GPHN: variants seen among roughly 807,000 people sequenced by gnomAD.
GPHN encodes the protein gephyrin.
A neutral mutation model predicts 95.5 loss-of-function variants in GPHN; 17 were observed. That is an observed-to-expected ratio of 0.18 (90% CI 0.12 to 0.27). The LOEUF is 0.27. Ranked by LOEUF, GPHN falls within the 10% of genes least tolerant of loss-of-function variation. The pLI is 1.00. For synonymous variants in GPHN, 320 were observed against 322.5 expected (o/e 0.99, Z 0.08); for missense variants, 660 against 978.1 (o/e 0.67, Z 4.34).
At chr14:67,349,562 C>T in the GPHN span, among the ~76,000 whole-genome samples, 55 of 152,208 alleles carry the variant, frequency 3.6e-4, no homozygotes, top group African/African-American at 1.2e-3. Flanking sequence ...TGGCAGGGTG[C>T]GATAGCTCAC....
chr14:67,105,349 A>G lies in GPHN; in HGVS notation c.1293+4438A>G, dbSNP rs1006653251. On this transcript the variant is annotated intron_variant, in intron 13 of 22. Coordinates refer to ENST00000478722, the MANE Select transcript of GPHN (RefSeq NM_020806.5). The stretch of plus-strand genomic sequence containing the variant: ...TGTACTTTAAATATCTGTTAGGTCC[A>G]TTTGATCTAAAATGCAGTTTAAATC... Among the ~76,000 whole-genome samples, 6 of 152,262 alleles carry G rather than the reference A, an allele frequency of 3.9e-5. No individual in the cohort carries two copies. The East Asian group carries it at 1.2e-3, about 29-fold the overall frequency.
intron 4 of GPHN, among the ~76,000 whole-genome samples, chr14:66,837,923 A>T (rs1007043376): frequency 3.9e-5 from 6 of 152,150 alleles, no homozygotes; most frequent in African/African-American, 1.4e-4. Flanking sequence ...TAAACATACA[A>T]GCAAGTGTAG....
At chr14:67,687,944 G>C in the GPHN span, among the ~76,000 whole-genome samples, 3 of 151,482 alleles carry the variant, frequency 2.0e-5, no homozygotes, top group Non-Finnish European at 4.4e-5. Flanking sequence ...GCTAATTTTT[G>C]TATTTTTAGT....
the GPHN span, chr14:67,224,907 T>A: frequency 2.3e-6 from 1 of 432,674 alleles, no homozygotes; most frequent in Admixed American, 4.4e-5. Context: ...AAAGGGAACC[T>A]GCTTGTGAAA....
intron 1 of GPHN, among the ~76,000 whole-genome samples, chr14:66,576,540 C>T: frequency 6.6e-6 from 1 of 151,630 alleles, no homozygotes; most frequent in Non-Finnish European, 1.5e-5. Flanking sequence ...TCTCTAATAA[C>T]AGGGGCTTCA....
chr14:67,159,602 A>T, intron 19 of GPHN, 114 bp downstream of exon 19: 1 of 762,750 alleles, frequency 1.3e-6, no homozygotes, highest in East Asian at 2.5e-5. Flanking sequence ...TATTCCAAAA[A>T]AAAAGAAATA....
the GPHN span, among the ~76,000 whole-genome samples, chr14:67,502,148 C>A: frequency 1.3e-5 from 2 of 151,988 alleles, no homozygotes; most frequent in Non-Finnish European, 2.9e-5. Flanking sequence ...ACCTGACCAA[C>A]ATGGAGAAAC....
At chr14:67,036,717 A>C (rs2074443347) in intron 10 of GPHN, among the ~76,000 whole-genome samples, 1 of 152,092 alleles carries the variant, frequency 6.6e-6, no homozygotes, top group Middle Eastern at 3.4e-3. Context: ...AATACTTAGG[A>C]ATAAACTTAA....
At chr14:66,966,101 A>G (rs747710879) in intron 9 of GPHN, among the ~76,000 whole-genome samples, 1 of 152,156 alleles carries the variant, frequency 6.6e-6, no homozygotes, top group Non-Finnish European at 1.5e-5. Context: ...ATTAACAGTA[A>G]CATTCCTTAT....
the GPHN span, among the ~76,000 whole-genome samples, chr14:67,734,839 T>G: frequency 2.6e-5 from 4 of 152,200 alleles, no homozygotes; most frequent in African/African-American, 9.6e-5. Flanking sequence ...CCTTCCTTCC[T>G]GAAGGAGGCT....
the GPHN span, chr14:67,600,161 G>C: frequency 1.3e-6 from 2 of 1,589,446 alleles, no homozygotes; most frequent in African/African-American, 2.7e-5. Context: ...TGCAGCGCCA[G>C]GCGGCCGCCG....
chr14:67,164,000 G>A (rs539114044), intron 19 of GPHN, among the ~76,000 whole-genome samples: 1 of 152,052 alleles, frequency 6.6e-6, no homozygotes, highest in South Asian at 2.1e-4. Context: ...TGGGTGCGGT[G>A]GCTTACACCT....
At chr14:67,113,348 G>A (rs1425931420) in intron 16 of GPHN, among the ~76,000 whole-genome samples, 177 bp downstream of exon 16, 3 of 152,180 alleles carry the variant, frequency 2.0e-5, no homozygotes, top group African/African-American at 4.8e-5. Flanking sequence ...TTCAGAATAT[G>A]AGAACAAAGA....
chr14:67,014,094 A>G (rs2073162517), intron 9 of GPHN, among the ~76,000 whole-genome samples: 4 of 151,960 alleles, frequency 2.6e-5, no homozygotes. Context: ...AATCACACAC[A>G]CGCAAAACAA....
chr14:66,532,960 C>CAG (rs2059001861), intron 1 of GPHN, among the ~76,000 whole-genome samples: 1 of 152,180 alleles, frequency 6.6e-6, no homozygotes, highest in African/African-American at 2.4e-5. Context: ...CATCTGTGAT[C>CAG]AGAGGATAGA....
chr14:67,483,157 C>T, the GPHN span, among the ~76,000 whole-genome samples: 1 of 152,036 alleles, frequency 6.6e-6, no homozygotes. Context: ...ATTATAGGTT[C>T]CTGCCACCAC....
At chr14:67,638,272 C>G in the GPHN span, among the ~76,000 whole-genome samples, 3 of 151,976 alleles carry the variant, frequency 2.0e-5, no homozygotes, top group African/African-American at 7.3e-5. Flanking sequence ...ATCTGTAATC[C>G]TAGCACTTTA....
the GPHN span, chr14:67,695,902 C>T: frequency 1.7e-6 from 1 of 591,314 alleles, no homozygotes; most frequent in East Asian, 2.8e-5. Context: ...TTGAATTATA[C>T]ATCGCTAATC....
At chr14:67,647,368 C>T in the GPHN span, 1 of 198,098 alleles carries the variant, frequency 5.0e-6, no homozygotes, top group South Asian at 1.4e-4. Flanking sequence ...TTAAGCAAAT[C>T]TTGGCAGTGT....
Sources: gnomAD v4.1 joint callset for allele counts (sites outside exome capture counted in the v4.1 genomes callset) on GRCh38, gnomAD v4.1.1 for gene constraint, MANE v1.5 for transcripts, NCBI Gene and HGNC (gene_info 2026-07-23, HGNC 2026-07-21) for gene names.